The following CFAP46 variants were observed in gnomAD, a reference collection of about 807,000 sequenced individuals.
CFAP46 encodes cilia- and flagella-associated protein 46.
A neutral mutation model predicts 325.7 loss-of-function variants in CFAP46; 245 were observed. That is an observed-to-expected ratio of 0.75 (90% CI 0.68 to 0.84). The LOEUF (loss-of-function observed/expected upper bound fraction) is 0.84. Among genes scored for constraint, CFAP46 ranks in the 40% least tolerant of loss-of-function variants. The probability of loss-of-function intolerance (pLI) is 0.00; values close to 1 mark genes in which losing one functional copy is unlikely to be tolerated. For synonymous variants in CFAP46, 1,523 were observed against 1,495.9 expected (o/e 1.02, Z -0.42); for missense variants, 3,346 against 3,543.0 (o/e 0.94, Z 1.41).
rs1040650208 is a variant in CFAP46 at position 132,884,517 on chromosome 10, C to T, written c.3627+586G>A. Among the ~76,000 whole-genome samples the T allele has an allele frequency of 3.9e-5, 6 of 152,090 alleles. No homozygotes were observed. The highest frequency in any genetic ancestry group is 6.5e-5 in the Admixed American group (1 of 15,278). On this transcript the variant is annotated intron_variant, in intron 27 of 57. Coordinates refer to ENST00000368586, the MANE Select transcript of CFAP46 (RefSeq NM_001200049.3). This position sits in a 1 kb window ranked among gnomAD's most constrained non-coding sequence, Gnocchi z 5.4. Reference sequence around the variant, plus strand: ...ACACCAGGGGCCTGGGATGCCTTTTCGTCCCCAAGATGAAGTTCTCAGGTG... The same window carrying T: ...ACACCAGGGGCCTGGGATGCCTTTTTGTCCCCAAGATGAAGTTCTCAGGTG...
At chr10:132,873,827 A>C (rs556692894) in intron 31 of CFAP46, among the ~76,000 whole-genome samples, 1 of 152,268 alleles carries the variant, frequency 6.6e-6, no homozygotes, top group Non-Finnish European at 1.5e-5. Context: ...CAGGTCCCAC[A>C]GGCATTAAAA....
intron 54 of CFAP46, 95 bp downstream of exon 54, chr10:132,814,057 C>G (rs1591028469): frequency 2.2e-6 from 2 of 897,514 alleles, no homozygotes; most frequent in Non-Finnish European, 3.6e-6. Flanking sequence ...ACTGGCAGGG[C>G]AGACCCAGGG....
intron 44 of CFAP46, 87 bp from the exon 45 acceptor site, chr10:132,837,001 T>C (rs1848261797): frequency 1.9e-6 from 2 of 1,054,860 alleles, no homozygotes; most frequent in African/African-American, 3.1e-5. Context: ...GGAGACCTCG[T>C]GGCAGAGCCA....
intron 41 of CFAP46, among the ~76,000 whole-genome samples, chr10:132,849,896 C>T (rs1055369936): frequency 2.6e-5 from 4 of 152,174 alleles, no homozygotes; most frequent in East Asian, 1.9e-4. Context: ...TGGCCAGAGC[C>T]GCTGCTGCGG....
chr10:132,854,214 C>T (rs1225835158), intron 39 of CFAP46, among the ~76,000 whole-genome samples: 1 of 152,010 alleles, frequency 6.6e-6, no homozygotes, highest in Non-Finnish European at 1.5e-5. Context: ...TTTTTATTCC[C>T]TTCAGTTCAA....
rs1291868709 is a variant in CFAP46, at chr10:132,884,183, C to G, written c.3627+920G>C. ...CAGCCAGGTCCCTGCCTGATACCCG[C>G]GAACCCTAGCAGGGCAACTGCCGAG... On this transcript the variant is annotated intron_variant, in intron 27 of 57. Coordinates refer to ENST00000368586, the MANE Select transcript of CFAP46 (RefSeq NM_001200049.3). The surrounding 1 kb of genome is among the most constrained non-coding windows in gnomAD (Gnocchi z 5.4). Among the ~76,000 whole-genome samples the G allele has an allele frequency of 6.6e-6, 1 of 152,164 alleles. No homozygotes were observed. The highest frequency in any genetic ancestry group is 2.4e-5 in the African/African-American group (1 of 41,428).
At chr10:132,917,858 C>T (rs1007371929) in intron 16 of CFAP46, among the ~76,000 whole-genome samples, 9 of 152,108 alleles carry the variant, frequency 5.9e-5, no homozygotes, top group African/African-American at 1.9e-4. Context: ...CGCTGTGGTG[C>T]AGGGACACAC....
At chr10:132,840,884 G>A (rs1483494398) in intron 44 of CFAP46, among the ~76,000 whole-genome samples, 2 of 152,194 alleles carry the variant, frequency 1.3e-5, no homozygotes, top group Non-Finnish European at 2.9e-5. Context: ...TGTCTGGTGA[G>A]GGCCTTCTCG....
At chr10:132,933,285 A>G (rs551996445) in intron 8 of CFAP46, among the ~76,000 whole-genome samples, 1 of 152,116 alleles carries the variant, frequency 6.6e-6, no homozygotes, top group Non-Finnish European at 1.5e-5. Context: ...TCTCCGTCCT[A>G]CCTGAGCTCC....
chr10:132,862,452 G>A (rs921715606), intron 35 of CFAP46, among the ~76,000 whole-genome samples: 5 of 149,772 alleles, frequency 3.3e-5, no homozygotes, highest in Non-Finnish European at 5.9e-5. Context: ...GGGGCGGGGT[G>A]GGGGGTGCGT....
intron 26 of CFAP46, 138 bp downstream of exon 26, chr10:132,885,683 C>T (rs1398030492): frequency 6.5e-6 from 5 of 772,002 alleles, no homozygotes; most frequent in Non-Finnish European, 9.6e-6. Flanking sequence ...GGGGAGCACA[C>T]TCCGGTGGGG....
At chr10:132,834,239 GCTCACTTC>G in intron 48 of CFAP46, 116 bp from the exon 49 acceptor site, 1 of 932,438 alleles carries the variant, frequency 1.1e-6, no homozygotes, top group Non-Finnish European at 1.6e-6. Flanking sequence ...GAATCCCCAC[GCTCACTTC>G]TGGGGATGGT....
rs750509587 is a variant in CFAP46, at chr10:132,814,635, C to T, written c.7250-23G>A. 45 of 1,580,412 alleles carry T rather than the reference C, an allele frequency of 2.8e-5. No homozygotes were observed. The East Asian group carries it at 4.1e-4, about 14-fold the overall frequency. ...CGACTGGGTCCCGGTCAAGGAGAAA[C>T]GGGAGCACAGGGCGGGGTCTGGGGC... On this transcript the variant is annotated intron_variant, in intron 52 of 57. Coordinates refer to ENST00000368586, the MANE Select transcript of CFAP46 (RefSeq NM_001200049.3).
intron 20 of CFAP46, 81 bp downstream of exon 20, chr10:132,909,838 G>T: frequency 7.6e-7 from 1 of 1,319,878 alleles, no homozygotes; most frequent in South Asian, 1.9e-5. Context: ...TGGTCCCGGG[G>T]GCCCCACCAC....
chr10:132,908,691 G>A lies in CFAP46; in HGVS notation c.2758-57C>T, dbSNP rs1849495777. ...TGTTAGCAACAACGAACTTCCCACG[G>A]CCTGCAGCCCCCACGGACCACGCAG... is the stretch of plus-strand genomic sequence containing the variant. On this transcript the variant is annotated intron_variant, in intron 21 of 57. Coordinates refer to ENST00000368586, the MANE Select transcript of CFAP46 (RefSeq NM_001200049.3). The A allele has an allele frequency of 8.8e-6, 13 of 1,474,502 alleles. No homozygotes were observed. The South Asian group carries it at 1.4e-4, about 16-fold the overall frequency. 91.3% of individuals were successfully genotyped at this position (1,474,502 alleles called of 1,614,324 possible). A position where few individuals can be genotyped will look rare whatever the true frequency, so the allele number is the denominator to read the frequency against.
chr10:132,838,133 G>T (rs949276740), intron 44 of CFAP46, among the ~76,000 whole-genome samples: 1 of 152,224 alleles, frequency 6.6e-6, no homozygotes, highest in East Asian at 1.9e-4. Context: ...GTCCGCTCCC[G>T]TGGACTATGA....
intron 50 of CFAP46, among the ~76,000 whole-genome samples, chr10:132,816,480 C>T (rs1205709272): frequency 5.9e-5 from 9 of 151,934 alleles, no homozygotes; most frequent in South Asian, 2.1e-4. Context: ...TACAAGTACC[C>T]GCCACCACGC....
chr10:132,822,889 GATGTGTGCTGA>G (rs1847906934), intron 50 of CFAP46, among the ~76,000 whole-genome samples: 2 of 137,348 alleles, frequency 1.5e-5, no homozygotes, highest in Admixed American at 7.4e-5. Context: ...TGTGTGCGCT[GATGTGTGCTGA>G]TGTGTGCTGT....
At chr10:132,906,063 A>C (rs1849451808) in intron 22 of CFAP46, among the ~76,000 whole-genome samples, 1 of 152,260 alleles carries the variant, frequency 6.6e-6, no homozygotes, top group Admixed American at 6.5e-5. Context: ...CTGTTTTGGA[A>C]GAAAGATCAT....
Sources: allele counts gnomAD v4.1 joint callset (sites outside exome capture counted in the v4.1 genomes callset), GRCh38; gene constraint gnomAD v4.1.1; non-coding constraint Gnocchi (gnomAD v3.1); transcripts MANE v1.5; gene names NCBI Gene and HGNC (gene_info 2026-07-23, HGNC 2026-07-21).